VWA3A: variants seen among roughly 807,000 people sequenced by gnomAD.
VWA3A encodes the protein von Willebrand factor A domain-containing protein 3A.
VWA3A carries 134 observed loss-of-function variants against 160.4 expected under a neutral mutation model. That is an observed-to-expected ratio of 0.84 (90% CI 0.73 to 0.96). The LOEUF (loss-of-function observed/expected upper bound fraction) is 0.96. VWA3A is among the 40% of genes least tolerant of loss of function. VWA3A has a pLI of 0.00. For missense variants in VWA3A, 1,310 were observed against 1,447.9 expected, an observed-to-expected ratio of 0.90 and a Z score of 1.55; for synonymous variants, 476 against 543.4, an observed-to-expected ratio of 0.88 and a Z score of 1.72.
chr16:22,136,261 T>C (rs969520109), intron 21 of VWA3A, among the ~76,000 whole-genome samples: 1 of 151,986 alleles, frequency 6.6e-6, no homozygotes, highest in Non-Finnish European at 1.5e-5. Context: ...AGAGAAAACA[T>C]ACAAACTGAC....
chr16:22,146,120 C>A, intron 26 of VWA3A, 116 bp from the exon 27 acceptor site: 1 of 872,510 alleles, frequency 1.1e-6, no homozygotes, highest in Non-Finnish European at 1.8e-6. Context: ...CCGTGCCCAG[C>A]CAACAAATAT....
At chr16:22,142,847 G>T (rs1006457949) in intron 25 of VWA3A, 82 bp downstream of exon 25, 26 of 1,077,202 alleles carry the variant, frequency 2.4e-5, no homozygotes, top group East Asian at 8.1e-5. Context: ...AGGATGGGGG[G>T]GCATAATCAG....
intron 17 of VWA3A, among the ~76,000 whole-genome samples, chr16:22,130,983 A>G (rs2045936708): frequency 6.6e-6 from 1 of 152,236 alleles, no homozygotes; most frequent in Admixed American, 6.5e-5. Context: ...TGCTTCAGAA[A>G]GGAAGCTGAC....
intron 16 of VWA3A, 100 bp downstream of exon 16, chr16:22,123,807 C>T: frequency 8.6e-7 from 1 of 1,158,328 alleles, no homozygotes; most frequent in African/African-American, 1.5e-5. Flanking sequence ...CAGAAGCCAT[C>T]ACTTAGATTA....
chr16:22,126,131 T>C (rs776143908), intron 16 of VWA3A, 47 bp from the exon 17 acceptor site: 5 of 1,608,286 alleles, frequency 3.1e-6, no homozygotes, highest in South Asian at 1.1e-5. Context: ...AAATAAACAT[T>C]ATCTCAGAGA....
chr16:22,145,332 T>C (rs1437994074), intron 26 of VWA3A, among the ~76,000 whole-genome samples: 2 of 152,206 alleles, frequency 1.3e-5, no homozygotes, highest in Non-Finnish European at 2.9e-5. Context: ...TTTAGAGTTT[T>C]CTATTTTAAA....
At position 22,096,961 on chromosome 16, in the gene VWA3A, TG is replaced by T; in HGVS notation, c.101+17del. ...AAAACCATTGGTAAGCATAGTTCTC[TG>T]ATTTTTTTTTTTTTTTTTTTTGAGG... is the stretch of plus-strand genomic sequence containing the variant. On this transcript the variant is annotated intron_variant, in intron 2 of 33. Coordinates refer to ENST00000389398, the MANE Select transcript of VWA3A (RefSeq NM_173615.5). 2.1e-6 allele frequency: 3 copies of T among 1,423,914 alleles called. No homozygotes were observed. The highest frequency in any genetic ancestry group is 2.8e-6 in the Non-Finnish European group (3 of 1,056,194). The allele number at this position is 1,423,914 out of a possible 1,614,324, so 88.2% of individuals were successfully genotyped here.
chr16:22,140,275 A>G, intron 23 of VWA3A, 31 bp downstream of exon 23: 1 of 1,605,576 alleles, frequency 6.2e-7, no homozygotes, highest in Middle Eastern at 1.7e-4. Context: ...GGCAGGGTGG[A>G]GGGATGTCAC....
At chr16:22,138,265 G>A in intron 21 of VWA3A, 95 bp from the exon 22 acceptor site, 3 of 1,426,272 alleles carry the variant, frequency 2.1e-6, no homozygotes, top group Non-Finnish European at 2.8e-6. Flanking sequence ...GGACATCAGA[G>A]GTTCCAGTGG....
chr16:22,126,155 T>C, intron 16 of VWA3A, 23 bp from the exon 17 acceptor site: 1 of 1,613,090 alleles, frequency 6.2e-7, no homozygotes, highest in Non-Finnish European at 8.5e-7. Context: ...GGTTCTCCTC[T>C]TAAAGCTCGT....
intron 21 of VWA3A, among the ~76,000 whole-genome samples, chr16:22,135,964 GT>G (rs2046032758): frequency 6.6e-6 from 1 of 151,604 alleles, no homozygotes; most frequent in South Asian, 2.1e-4. Flanking sequence ...TGATTTTTGT[GT>G]TTTTTAGTAG....
rs1487365565 is a variant in VWA3A at position 22,097,672 on chromosome 16, G to A, written c.202G>A (p.Val68Ile). 1.9e-6 allele frequency: 3 copies of A among 1,551,716 alleles called. No individual in the cohort carries two copies. Among genetic ancestry groups the A allele is most frequent in the South Asian group, 1.2e-5 (1 of 84,062 alleles). The stretch of plus-strand genomic sequence containing the variant: ...GGACAATGGATTATTGGTTACACAT[G>A]TTAACCAGACACAGGACTTACTGGT... ...NSDNGLLVTH[V>I]NQTQDLLRLQ... The change falls in exon 3 of 34, where the codon GTT (valine) becomes ATT (isoleucine). Residue 68 changes from valine to isoleucine, a missense_variant. Val to Ile is a conservative substitution (Grantham distance 29). Transcript: ENST00000389398.
chr16:22,096,963 AT>A lies in VWA3A; in HGVS notation c.101+38del, dbSNP rs397754746. The A allele has an allele frequency of 0.24, 251,798 of 1,064,672 alleles. 2,797 individuals carry two copies. Among genetic ancestry groups the A allele is most frequent in the African/African-American group, 0.34 (18,591 of 54,240 alleles). 66.0% of individuals were successfully genotyped at this position (1,064,672 alleles called of 1,614,324 possible). ...AACCATTGGTAAGCATAGTTCTCTGATTTTTTTTTTTTTTTTTTTTGAGGCA... is the reference window on the plus strand; with the variant it reads ...AACCATTGGTAAGCATAGTTCTCTGATTTTTTTTTTTTTTTTTTTGAGGCA... On this transcript the variant is annotated intron_variant, in intron 2 of 33. Coordinates refer to ENST00000389398, the MANE Select transcript of VWA3A (RefSeq NM_173615.5).
At chr16:22,131,183 G>C (rs752997566) in intron 17 of VWA3A, 22 bp from the exon 18 acceptor site, 4 of 1,612,030 alleles carry the variant, frequency 2.5e-6, no homozygotes, top group Non-Finnish European at 3.4e-6. Flanking sequence ...GCCTAAGAAC[G>C]AACTCTCTTT....
intron 12 of VWA3A, 57 bp downstream of exon 12, chr16:22,119,084 C>T (rs868233675): frequency 9.1e-6 from 14 of 1,532,976 alleles, no homozygotes; most frequent in Middle Eastern, 3.5e-4. Flanking sequence ...CAGCTGGCCT[C>T]GTTCCCCTTT....
In VWA3A at chr16:22,093,799, C is replaced by G. The variant is rs188416406; in HGVS notation, c.14+1148C>G. On this transcript the variant is annotated intron_variant, in intron 1 of 33. Coordinates refer to ENST00000389398, the MANE Select transcript of VWA3A (RefSeq NM_173615.5). ...CGTTTGTTTGAGACAGAGTCTCACT[C>G]CAACACCCAGGCTGGAGTGCAGCGA... Among the ~76,000 whole-genome samples the G allele has an allele frequency of 5.3e-5, 8 of 152,220 alleles. No homozygotes were observed. The East Asian group carries it at 9.6e-4, about 18-fold the overall frequency.
chr16:22,132,668 G>A, intron 19 of VWA3A: 1 of 555,218 alleles, frequency 1.8e-6, no homozygotes, highest in Non-Finnish European at 3.2e-6. Flanking sequence ...GGATGCTACT[G>A]GTCTAGAACA....
At chr16:22,098,937 AAT>A (rs1555525378) in intron 3 of VWA3A, among the ~76,000 whole-genome samples, 1,477 of 147,532 alleles carry the variant, frequency 0.01, 38 homozygotes, top group Middle Eastern at 0.018. Context: ...AAAAAAAAAA[AAT>A]ACACAAATTA....
intron 6 of VWA3A, among the ~76,000 whole-genome samples, chr16:22,104,692 A>AT (rs560906524): frequency 0.011 from 1,602 of 151,890 alleles, 30 homozygotes; most frequent in African/African-American, 0.037. Flanking sequence ...AAAAAAAAAA[A>AT]TTTTTTTTAA....
Sources: gnomAD v4.1 joint callset for allele counts (sites outside exome capture counted in the v4.1 genomes callset) on GRCh38, gnomAD v4.1.1 for gene constraint, MANE v1.5 for transcripts, NCBI Gene and HGNC (gene_info 2026-07-23, HGNC 2026-07-21) for gene names.